The following RBFOX1 variants were observed in gnomAD, a reference collection of about 807,000 sequenced individuals.
RBFOX1 encodes RNA binding protein fox-1 homolog 1.
Under a neutral mutation model 57.7 loss-of-function variants are expected in RBFOX1, and 8 were observed. That is an observed-to-expected ratio of 0.14 (90% CI 0.08 to 0.25). RBFOX1 has a LOEUF of 0.25. RBFOX1 is among the 10% of genes least tolerant of loss of function. RBFOX1 has a pLI of 1.00. For missense variants in RBFOX1, 611 were observed against 548.5 expected (o/e 1.11, Z -1.14); for synonymous variants, 326 against 222.4 (o/e 1.47, Z -4.15).
intron 1 of RBFOX1, among the ~76,000 whole-genome samples, chr16:6,031,027 T>G (rs1303294980): frequency 6.6e-6 from 1 of 151,994 alleles, no homozygotes; most frequent in African/African-American, 2.4e-5. Flanking sequence ...AAAAAGACAA[T>G]AGAATTACCC....
At chr16:5,601,664 T>A (rs1280316035), downstream of RBFOX1, 1 of 152,140 alleles carries the variant, frequency 6.6e-6, no homozygotes, top group Non-Finnish European at 1.5e-5. Flanking sequence ...TCACACTGAG[T>A]CTATGGAAAG....
At chr16:7,430,917 T>C (rs2098673159) in intron 4 of RBFOX1, among the ~76,000 whole-genome samples, 1 of 152,232 alleles carries the variant, frequency 6.6e-6, no homozygotes, top group Non-Finnish European at 1.5e-5. Flanking sequence ...GACGTAGGGA[T>C]ATGCCAAAGA....
At chr16:6,819,632 G>C (rs1405828774) in intron 3 of RBFOX1, among the ~76,000 whole-genome samples, 1 of 137,364 alleles carries the variant, frequency 7.3e-6, no homozygotes, top group African/African-American at 2.7e-5. Flanking sequence ...TTGAACCTGG[G>C]AAGCGGAGGT....
chr16:7,215,629 A>G (rs750137302), intron 4 of RBFOX1, among the ~76,000 whole-genome samples: 3 of 152,144 alleles, frequency 2.0e-5, no homozygotes, highest in Non-Finnish European at 2.9e-5. Context: ...ATAACCCTCA[A>G]AAGATCCTCG....
At chr16:5,719,448 G>A (rs2051846210) in intron 3 of RBFOX1, among the ~76,000 whole-genome samples, 1 of 151,166 alleles carries the variant, frequency 6.6e-6, no homozygotes, top group South Asian at 2.1e-4. Flanking sequence ...CTGAGCTCGC[G>A]ATCCGCCCAC....
At chr16:5,314,158 A>G (rs1364278453) in intron 1 of RBFOX1, among the ~76,000 whole-genome samples, 2 of 152,230 alleles carry the variant, frequency 1.3e-5, no homozygotes, top group African/African-American at 4.8e-5. Context: ...CTTGCATACA[A>G]GGAAAAAAAT....
At chr16:7,202,236 G>C (rs2088733872) in intron 4 of RBFOX1, among the ~76,000 whole-genome samples, 1 of 148,646 alleles carries the variant, frequency 6.7e-6, no homozygotes, top group Non-Finnish European at 1.5e-5. Context: ...TTAATCATTA[G>C]AGAAAAGACA....
chr16:7,062,129 A>G (rs1195389300), intron 4 of RBFOX1, among the ~76,000 whole-genome samples: 1 of 151,914 alleles, frequency 6.6e-6, no homozygotes, highest in Non-Finnish European at 1.5e-5. Context: ...TATCCTGGCT[A>G]ACACGGTGAA....
At chr16:7,417,103 C>G (rs1172428376) in intron 4 of RBFOX1, among the ~76,000 whole-genome samples, 2 of 152,040 alleles carry the variant, frequency 1.3e-5, no homozygotes, top group Admixed American at 1.3e-4. Context: ...GGCATGGTGG[C>G]TCACACCTGT....
chr16:6,898,888 G>A (rs952028976), intron 3 of RBFOX1, among the ~76,000 whole-genome samples: 11 of 106,022 alleles, frequency 1.0e-4, no homozygotes, highest in South Asian at 6.2e-4. Flanking sequence ...TGTATAATAC[G>A]TGTGTGCATC....
chr16:6,651,757 C>A (rs141695549), intron 2 of RBFOX1, among the ~76,000 whole-genome samples: 9 of 152,256 alleles, frequency 5.9e-5, no homozygotes, highest in Admixed American at 1.3e-4. Flanking sequence ...ACGTACACAC[C>A]CGTGTTCATA....
chr16:6,560,052 A>C (rs1375292552), intron 2 of RBFOX1, among the ~76,000 whole-genome samples: 1 of 151,636 alleles, frequency 6.6e-6, no homozygotes, highest in Non-Finnish European at 1.5e-5. Flanking sequence ...AATCATCCAC[A>C]CTTTCCCATT....
chr16:7,143,756 C>G lies in RBFOX1; in HGVS notation c.27+91658C>G, dbSNP rs540126562. Among the ~76,000 whole-genome samples, 13 of 150,002 alleles carry G rather than the reference C, an allele frequency of 8.7e-5. No homozygotes were observed. In the South Asian group the frequency reaches 2.6e-3, roughly 30 times the overall value. On this transcript the variant is annotated intron_variant, in intron 4 of 15. Transcript: ENST00000550418. Reference sequence around the variant, plus strand: ...CCATGGGTTTATTGGTTCATTTATACTATTTAGCAGTGCTTACTGAGTATC... The same window carrying G: ...CCATGGGTTTATTGGTTCATTTATAGTATTTAGCAGTGCTTACTGAGTATC...
At chr16:5,248,650 T>G (rs1192010640) in intron 1 of RBFOX1, among the ~76,000 whole-genome samples, 1 of 151,890 alleles carries the variant, frequency 6.6e-6, no homozygotes, top group Non-Finnish European at 1.5e-5. Flanking sequence ...GTGCAGGGTG[T>G]GCCCAGGAAA....
intron 5 of RBFOX1, among the ~76,000 whole-genome samples, chr16:7,541,405 C>T (rs1414851105): frequency 2.0e-5 from 3 of 152,226 alleles, no homozygotes; most frequent in Non-Finnish European, 2.9e-5. Flanking sequence ...GAGATTGCTC[C>T]TTTCTGCTAT....
At chr16:7,467,435 C>A (rs1036505364) in intron 4 of RBFOX1, among the ~76,000 whole-genome samples, 2 of 152,108 alleles carry the variant, frequency 1.3e-5, no homozygotes, top group African/African-American at 4.8e-5. Context: ...TGGGATGTAA[C>A]AACCACAGTG....
intron 1 of RBFOX1, among the ~76,000 whole-genome samples, chr16:6,080,838 G>A (rs1245684075): frequency 1.3e-5 from 2 of 152,166 alleles, no homozygotes; most frequent in African/African-American, 4.8e-5. Context: ...GCCCTTTGAT[G>A]TGTGTACGTG....
At chr16:7,201,915 G>A (rs1033544194) in intron 4 of RBFOX1, among the ~76,000 whole-genome samples, 1 of 152,168 alleles carries the variant, frequency 6.6e-6, no homozygotes, top group Non-Finnish European at 1.5e-5. Context: ...GGAGATGTAC[G>A]AGGGATTTAT....
At chr16:7,605,763 A>G (rs1010966498) in intron 9 of RBFOX1, among the ~76,000 whole-genome samples, 1 of 152,194 alleles carries the variant, frequency 6.6e-6, no homozygotes, top group Non-Finnish European at 1.5e-5. Context: ...CATTTATTAA[A>G]GGACCTTTGG....
Sources: allele counts gnomAD v4.1 joint callset (sites outside exome capture counted in the v4.1 genomes callset), GRCh38; gene constraint gnomAD v4.1.1; transcripts MANE v1.5; gene names NCBI Gene and HGNC (gene_info 2026-07-23, HGNC 2026-07-21).